Variants in PTPRN2 observed in about 807,000 individuals in gnomAD.
The protein encoded by PTPRN2 is protein tyrosine phosphatase receptor type N2, also known as receptor-type tyrosine-protein phosphatase N2.
PTPRN2 carries 74 observed loss-of-function variants against 118.8 expected under a neutral mutation model. That is an observed-to-expected ratio of 0.62 (90% confidence interval 0.52 to 0.76). The LOEUF (loss-of-function observed/expected upper bound fraction) is 0.76. PTPRN2 is among the 30% of genes least tolerant of loss of function. PTPRN2 has a pLI of 0.00. For missense variants in PTPRN2, 1,481 were observed against 1,394.4 expected (o/e 1.06, Z -0.99); for synonymous variants, 641 against 608.0 (o/e 1.05, Z -0.80).
At chr7:158,155,633 ATC>A (rs1489101726) in intron 6 of PTPRN2, among the ~76,000 whole-genome samples, 7 of 148,706 alleles carry the variant, frequency 4.7e-5, no homozygotes, top group Non-Finnish European at 7.6e-5. Context: ...CATCACCATC[ATC>A]ACCACCGTCA....
chr7:158,095,867 C>T (rs932733441), intron 10 of PTPRN2, among the ~76,000 whole-genome samples: 6 of 152,190 alleles, frequency 3.9e-5, no homozygotes, highest in African/African-American at 1.4e-4. Context: ...CGTGAGCCGC[C>T]GCACCAGGCC....
At chr7:158,253,137 C>T (rs910639679) in intron 3 of PTPRN2, among the ~76,000 whole-genome samples, 3 of 152,340 alleles carry the variant, frequency 2.0e-5, no homozygotes, top group Admixed American at 6.5e-5. Flanking sequence ...GCTGGGAGGA[C>T]TTAAATAAAT....
chr7:157,654,015 A>G (rs1424138091), intron 14 of PTPRN2, among the ~76,000 whole-genome samples: 1 of 53,510 alleles, frequency 1.9e-5, no homozygotes, highest in Non-Finnish European at 3.6e-5. Context: ...CCCCGACTCC[A>G]CACGACGCCC....
chr7:157,769,228 C>T (rs1802660522), intron 12 of PTPRN2, among the ~76,000 whole-genome samples: 1 of 152,164 alleles, frequency 6.6e-6, no homozygotes, highest in South Asian at 2.1e-4. Context: ...AGGACCAACA[C>T]ATGCCGGTGA....
At chr7:157,966,809 ATCT>A (rs1401021138) in intron 11 of PTPRN2, among the ~76,000 whole-genome samples, 1 of 151,898 alleles carries the variant, frequency 6.6e-6, no homozygotes, top group Non-Finnish European at 1.5e-5. Flanking sequence ...CACCACCATC[ATCT>A]TCATTATCAC....
intron 2 of PTPRN2, among the ~76,000 whole-genome samples, chr7:158,447,864 A>G (rs540889523): frequency 1.1e-4 from 16 of 152,350 alleles, no homozygotes; most frequent in African/African-American, 3.6e-4. Flanking sequence ...GGGGCCTCAG[A>G]GGGTTGGAAA....
At chr7:157,758,937 G>C (rs1303855267) in intron 12 of PTPRN2, among the ~76,000 whole-genome samples, 1 of 152,230 alleles carries the variant, frequency 6.6e-6, no homozygotes, top group Non-Finnish European at 1.5e-5. Context: ...AGCCACGTCA[G>C]GCCATTGCTC....
At chr7:158,126,891 C>T (rs76664243) in intron 9 of PTPRN2, among the ~76,000 whole-genome samples, 189 of 152,322 alleles carry the variant, frequency 1.2e-3, no homozygotes, top group African/African-American at 3.9e-3. Flanking sequence ...CCCTGGCCGG[C>T]GGATCCCTGC....
chr7:158,331,402 A>G (rs1804411210), intron 2 of PTPRN2, among the ~76,000 whole-genome samples: 1 of 85,140 alleles, frequency 1.2e-5, no homozygotes, highest in South Asian at 2.9e-4. Flanking sequence ...CACTCTCACC[A>G]TAAGAGCTGA....
At position 157,977,190 on chromosome 7, in the gene PTPRN2, C is replaced by T. The variant is rs1802817781; in HGVS notation, c.1724-78453G>A. 2.0e-5 allele frequency among the ~76,000 whole-genome samples: 3 copies of T among 152,054 alleles called. No homozygotes were observed. Among genetic ancestry groups the T allele is most frequent in the East Asian group, 1.9e-4 (1 of 5,158 alleles). ...ACACCTGTAGAGAGCCTATTGCGTA[C>T]AGGTGCCGTTCCAGCACCGGGGACT... is the stretch of plus-strand genomic sequence containing the variant. On this transcript the variant is annotated intron_variant, in intron 11 of 22. Transcript: ENST00000389418. The surrounding 1 kb of genome is among the most constrained non-coding windows in gnomAD (Gnocchi z 4.6).
intron 2 of PTPRN2, 129 bp downstream of exon 2, chr7:158,489,606 C>T: frequency 3.2e-6 from 3 of 929,186 alleles, no homozygotes. Context: ...TTCCATCCGC[C>T]TCCTCTCGGC....
At chr7:158,144,893 G>A (rs1467130473) in intron 6 of PTPRN2, among the ~76,000 whole-genome samples, 2 of 152,308 alleles carry the variant, frequency 1.3e-5, no homozygotes, top group Non-Finnish European at 1.5e-5. Flanking sequence ...CCAAGTGCCT[G>A]CTCTGAAGGA....
intron 10 of PTPRN2, among the ~76,000 whole-genome samples, chr7:158,084,749 A>G: frequency 7.1e-6 from 1 of 140,718 alleles, no homozygotes; most frequent in African/African-American, 2.7e-5. Flanking sequence ...GCCCATCCAC[A>G]CAGATGCCCA....
chr7:157,770,610 G>C (rs1230283514), intron 12 of PTPRN2, among the ~76,000 whole-genome samples: 1 of 152,180 alleles, frequency 6.6e-6, no homozygotes, highest in African/African-American at 2.4e-5. Flanking sequence ...TAGCGCTATA[G>C]GGGAGCTTAT....
intron 12 of PTPRN2, among the ~76,000 whole-genome samples, chr7:157,840,401 CGTGTGTGACTGTGTGACT>C (rs1563160639): frequency 0.048 from 5,787 of 120,952 alleles, 239 homozygotes; most frequent in East Asian, 0.24. Flanking sequence ...ACTGTGTGAC[CGTGTGTGACTGTGTGACT>C]GTGTGTGACT....
chr7:157,968,485 G>T (rs1802095404), intron 11 of PTPRN2, among the ~76,000 whole-genome samples: 1 of 152,184 alleles, frequency 6.6e-6, no homozygotes, highest in Non-Finnish European at 1.5e-5. Flanking sequence ...AAGAGTTTCT[G>T]GGTCTCGGGG....
At chr7:158,197,664 C>A (rs1219731660) in intron 4 of PTPRN2, among the ~76,000 whole-genome samples, 1 of 152,160 alleles carries the variant, frequency 6.6e-6, no homozygotes, top group Non-Finnish European at 1.5e-5. Context: ...GGGGAGGTCT[C>A]AGGAAACGTA....
chr7:158,277,400 C>T (rs12698200), intron 3 of PTPRN2, among the ~76,000 whole-genome samples: 101,844 of 152,118 alleles, frequency 0.67, 35,606 homozygotes, highest in South Asian at 0.86. Flanking sequence ...CGGAGGAGGC[C>T]GGGCCCAGGC....
At chr7:158,208,763 C>G (rs908428750) in intron 3 of PTPRN2, among the ~76,000 whole-genome samples, 15 of 152,106 alleles carry the variant, frequency 9.9e-5, no homozygotes, top group African/African-American at 3.6e-4. Context: ...AATATCATAA[C>G]ACTGTAATTG....
Sources: allele counts gnomAD v4.1 joint callset (sites outside exome capture counted in the v4.1 genomes callset), GRCh38; gene constraint gnomAD v4.1.1; non-coding constraint Gnocchi (gnomAD v3.1); transcripts MANE v1.5; gene names NCBI Gene and HGNC (gene_info 2026-07-23, HGNC 2026-07-21).